MARK1: variants seen among roughly 807,000 people sequenced by gnomAD.
MARK1 encodes the protein microtubule affinity regulating kinase 1.
A neutral mutation model predicts 96.3 loss-of-function variants in MARK1; 40 were observed. That is an observed-to-expected ratio of 0.42 (90% CI 0.32 to 0.54). The LOEUF (loss-of-function observed/expected upper bound fraction) is 0.54. MARK1 is among the 20% of genes least tolerant of loss of function. The pLI is 0.16. For missense variants in MARK1, 719 were observed against 984.6 expected (o/e 0.73, Z 3.61); for synonymous variants, 317 against 341.2 (o/e 0.93, Z 0.78).
intron 13 of MARK1, among the ~76,000 whole-genome samples, chr1:220,637,631 A>C (rs12065752): frequency 1.3e-5 from 2 of 152,096 alleles, no homozygotes; most frequent in African/African-American, 4.8e-5. Flanking sequence ...GTGAGCCAAG[A>C]TCATGCCATT....
chr1:220,630,401 C>T (rs1318608358), intron 9 of MARK1, among the ~76,000 whole-genome samples: 1 of 152,082 alleles, frequency 6.6e-6, no homozygotes, highest in Non-Finnish European at 1.5e-5. Flanking sequence ...TCTAGTTGGC[C>T]CCCACAAGGT....
chr1:220,651,318 G>GTACCACCTT (rs1460062036), intron 14 of MARK1, among the ~76,000 whole-genome samples: 1 of 152,208 alleles, frequency 6.6e-6, no homozygotes, highest in Admixed American at 6.5e-5. Flanking sequence ...ACCACCTTCA[G>GTACCACCTT]TCATTTCAGT....
At chr1:220,594,451 A>C (rs1439595692) in intron 3 of MARK1, among the ~76,000 whole-genome samples, 1 of 152,222 alleles carries the variant, frequency 6.6e-6, no homozygotes, top group Non-Finnish European at 1.5e-5. Context: ...CCACTTTAGA[A>C]GAGAGTTTGG....
chr1:220,627,545 A>G (rs1667421675), intron 9 of MARK1: 2 of 338,964 alleles, frequency 5.9e-6, no homozygotes, highest in South Asian at 5.1e-5. Context: ...TATTTATAGG[A>G]AAGTTTATTA....
chr1:220,575,394 G>A (rs1663763186), intron 1 of MARK1, among the ~76,000 whole-genome samples: 1 of 152,144 alleles, frequency 6.6e-6, no homozygotes, highest in Admixed American at 6.5e-5. Flanking sequence ...TTAGGATTGA[G>A]GTAGTTCCAA....
At chr1:220,538,326 A>C (rs1266105257) in intron 1 of MARK1, among the ~76,000 whole-genome samples, 2 of 151,688 alleles carry the variant, frequency 1.3e-5, no homozygotes, top group Non-Finnish European at 3.0e-5. Context: ...ACCATTTATT[A>C]AATAGGGAAT....
chr1:220,614,654 G>A (rs912517423), intron 6 of MARK1, among the ~76,000 whole-genome samples: 9 of 151,846 alleles, frequency 5.9e-5, no homozygotes, highest in African/African-American at 1.4e-4. Flanking sequence ...GATTGTAAGC[G>A]CCTTAAGGAC....
intron 5 of MARK1, 29 bp downstream of exon 5, chr1:220,599,892 C>G (rs1440286549): frequency 6.7e-7 from 1 of 1,493,768 alleles, no homozygotes; most frequent in Admixed American, 1.8e-5. Flanking sequence ...GAAAAGTTCT[C>G]TTTGCTGAGA....
intron 1 of MARK1, among the ~76,000 whole-genome samples, chr1:220,578,250 C>T (rs1239644250): frequency 3.3e-5 from 5 of 152,166 alleles, no homozygotes; most frequent in Non-Finnish European, 7.3e-5. Context: ...ACAAAAACTG[C>T]TAGAAATTTT....
chr1:220,604,157 A>T lies in MARK1; in HGVS notation c.495+20A>T. 1 of 1,573,238 alleles carries T rather than the reference A, an allele frequency of 6.4e-7. No homozygotes were observed. Among genetic ancestry groups the T allele is most frequent in the Non-Finnish European group, 8.7e-7 (1 of 1,145,924 alleles). Reference sequence around the variant, plus strand: ...AGGCAGGTATGGAAAGTAGTTTTCAACTTTGTTTTGCTGATAATTGTAGCG... The same window carrying T: ...AGGCAGGTATGGAAAGTAGTTTTCATCTTTGTTTTGCTGATAATTGTAGCG... On this transcript the variant is annotated intron_variant, in intron 6 of 17. Coordinates refer to ENST00000366917, the MANE Select transcript of MARK1 (RefSeq NM_018650.5).
intron 3 of MARK1, among the ~76,000 whole-genome samples, chr1:220,597,428 C>G (rs1374890551): frequency 6.6e-6 from 1 of 151,976 alleles, no homozygotes; most frequent in African/African-American, 2.4e-5. Context: ...AGCAGTCATC[C>G]TAATAGGTGT....
intron 13 of MARK1, among the ~76,000 whole-genome samples, chr1:220,639,406 A>T (rs1326621208): frequency 1.3e-5 from 2 of 152,196 alleles, no homozygotes; most frequent in Non-Finnish European, 2.9e-5. Context: ...GGGTCCTTCT[A>T]GATCGGAACA....
At chr1:220,549,053 C>T (rs1375211414) in intron 1 of MARK1, among the ~76,000 whole-genome samples, 1 of 152,164 alleles carries the variant, frequency 6.6e-6, no homozygotes, top group Non-Finnish European at 1.5e-5. Flanking sequence ...TCCCTGTTCG[C>T]CTCCTCTGTC....
intron 1 of MARK1, among the ~76,000 whole-genome samples, chr1:220,553,810 A>G (rs1481400307): frequency 6.6e-6 from 1 of 152,332 alleles, no homozygotes. Context: ...ACTGTGGTTC[A>G]TAAGGGGCCC....
In MARK1 at chr1:220,652,073, G is replaced by A; in HGVS notation, c.1659G>A (p.Lys553=). Residue 553 remains lysine (K), a synonymous_variant, in exon 15 of 18, where the codon AAG becomes AAA. Coordinates refer to ENST00000366917, the MANE Select transcript of MARK1 (RefSeq NM_018650.5). ...AVPSARPRHQ[K]SMSTSGHPIK... is the part of the protein sequence containing the mutation. ...CCTCAGCACGACCCCGCCACCAGAA[G>A]TCCATGTCCACTTCTGGTCATCCTA... 1 of 1,613,768 alleles carries A rather than the reference G, an allele frequency of 6.2e-7. No homozygotes were observed. The highest frequency in any genetic ancestry group is 8.5e-7 in the Non-Finnish European group (1 of 1,179,752).
At chr1:220,598,211 A>G in intron 3 of MARK1, 120 bp from the exon 4 acceptor site, 1 of 373,762 alleles carries the variant, frequency 2.7e-6, no homozygotes, top group South Asian at 2.2e-5. Flanking sequence ...GTTTCAATGC[A>G]TTGCCAGAAT....
At chr1:220,627,368 A>C in intron 9 of MARK1, 1 of 487,466 alleles carries the variant, frequency 2.1e-6, no homozygotes, top group Non-Finnish European at 4.2e-6. Context: ...AGATGAGAAG[A>C]GCAAAGTCAC....
At chr1:220,552,223 C>G (rs1661911692) in intron 1 of MARK1, among the ~76,000 whole-genome samples, 1 of 152,098 alleles carries the variant, frequency 6.6e-6, no homozygotes, top group African/African-American at 2.4e-5. Flanking sequence ...GCATTTTCTC[C>G]CTAGGCACTA....
chr1:220,619,730 A>G (rs1402706403), intron 9 of MARK1, among the ~76,000 whole-genome samples: 1 of 152,226 alleles, frequency 6.6e-6, no homozygotes, highest in East Asian at 1.9e-4. Context: ...TGCAATTAGA[A>G]TAATTTATTT....
Sources: allele counts gnomAD v4.1 joint callset (sites outside exome capture counted in the v4.1 genomes callset), GRCh38; gene constraint gnomAD v4.1.1; transcripts MANE v1.5; gene names NCBI Gene and HGNC (gene_info 2026-07-23, HGNC 2026-07-21).